Variants in MYH15 observed in about 807,000 individuals in gnomAD.
MYH15 encodes myosin heavy chain 15, also known as myosin-15.
Under a neutral mutation model 240.5 loss-of-function variants are expected in MYH15, and 227 were observed. That is an observed-to-expected ratio of 0.94 (90% CI 0.85 to 1.05). The LOEUF (loss-of-function observed/expected upper bound fraction) is 1.05, where lower values mean the gene tolerates loss of function less well. Among genes scored for constraint, MYH15 ranks in the 50% least tolerant of loss-of-function variants. The pLI is 0.00. For missense variants in MYH15, 2,217 were observed against 2,247.5 expected (o/e 0.99, Z 0.27); for synonymous variants, 785 against 796.7 (o/e 0.99, Z 0.25).
chr3:108,399,048 C>G (rs2107540959), intron 34 of MYH15, 27 bp downstream of exon 34: 2 of 1,602,854 alleles, frequency 1.2e-6, no homozygotes, highest in East Asian at 4.5e-5. Flanking sequence ...CCACCCCTCC[C>G]TACCCCATCT....
chr3:108,478,391 C>T (rs2083238271), intron 11 of MYH15, among the ~76,000 whole-genome samples: 1 of 152,156 alleles, frequency 6.6e-6, no homozygotes, highest in African/African-American at 2.4e-5. Flanking sequence ...AACACAAAGC[C>T]TATTTGGAAA....
chr3:108,455,926 G>A lies in MYH15; in HGVS notation c.2139-67C>T, dbSNP rs191407937. The A allele has an allele frequency of 5.9e-5, 86 of 1,463,968 alleles. No homozygotes were observed. The Admixed American group carries it at 1.1e-3, about 19-fold the overall frequency. The allele number at this position is 1,463,968 out of a possible 1,614,324, so 90.7% of individuals were successfully genotyped here. On this transcript the variant is annotated intron_variant, in intron 19 of 40. Coordinates refer to ENST00000693548, the MANE Select transcript of MYH15 (RefSeq NM_014981.3). ...TATTATTCAAATAAAGACTAATCTA[G>A]ACAAATGAGGTGAAAGGAGACATAG...
Position 108,398,764 on chromosome 3 carries a change from C to T in MYH15, c.5006G>A (p.Arg1669His), listed in dbSNP as rs765108967. 4.2e-5 allele frequency: 67 copies of T among 1,614,070 alleles called. No homozygotes were observed. The highest frequency in any genetic ancestry group is 3.5e-4 in the South Asian group (32 of 91,078). The part of the protein sequence containing the change: ...LKEQVAVAER[R>H]NSLLQSELED... ...TAGTTCAGACTGAAGAAGAGAGTTG[C>T]GCCGCTCAGCCACAGCCACCTGCTC... The change falls in exon 35 of 41, where the codon CGC becomes CAC. Residue 1669 changes from arginine to histidine, a missense_variant. Physicochemically the swap from Arg to His is conservative, Grantham distance 29 (BLOSUM62 0). Coordinates refer to ENST00000693548, the MANE Select transcript of MYH15 (RefSeq NM_014981.3).
At chr3:108,409,307 G>T (rs377159211) in intron 31 of MYH15, among the ~76,000 whole-genome samples, 1 of 152,180 alleles carries the variant, frequency 6.6e-6, no homozygotes, top group Non-Finnish European at 1.5e-5. Flanking sequence ...AACTCTGACC[G>T]CACCTTAGAA....
chr3:108,538,159 T>C, the MYH15 span, among the ~76,000 whole-genome samples: 1 of 152,190 alleles, frequency 6.6e-6, no homozygotes, highest in African/African-American at 2.4e-5. Context: ...CCGTTGTGTA[T>C]TGTGTGGGAT....
chr3:108,470,238 G>GAAAATAGGT, intron 13 of MYH15, 26 bp from the exon 14 acceptor site: 2 of 1,504,558 alleles, frequency 1.3e-6, no homozygotes, highest in Non-Finnish European at 1.8e-6. Flanking sequence ...TAGGTAAGAA[G>GAAAATAGGT]AAGAGATAAA....
rs369281600 is a variant in MYH15 at position 108,430,846 on chromosome 3, C to A, written c.3298G>T (p.Val1100Phe). The stretch of plus-strand genomic sequence containing the variant: ...TAATTGATTACCTGAAGCTCTTTAA[C>A]CGTCTTCTGAAGCTGAGCTACCAGG... Reference protein sequence around the residue: ...KGLVAQLQKTVKELQTQIKDL... With the variant: ...KGLVAQLQKTFKELQTQIKDL... The change falls in exon 26 of 41, where the codon GTT becomes TTT. Residue 1100 changes from valine to phenylalanine, a missense_variant. Val to Phe is a conservative substitution (Grantham distance 50). Transcript: ENST00000693548. 3.5e-5 allele frequency: 57 copies of A among 1,611,406 alleles called. No homozygotes were observed. Among genetic ancestry groups the A allele is most frequent in the African/African-American group, 1.1e-4 (8 of 74,920 alleles).
intron 17 of MYH15, 107 bp downstream of exon 17, chr3:108,460,193 A>G: frequency 1.0e-6 from 1 of 989,300 alleles, no homozygotes; most frequent in Non-Finnish European, 1.4e-6. Context: ...CCAACTTGCT[A>G]GCTCCTGATA....
intron 1 of MYH15, among the ~76,000 whole-genome samples, chr3:108,524,764 C>G (rs981948981): frequency 6.6e-6 from 1 of 152,036 alleles, no homozygotes; most frequent in Non-Finnish European, 1.5e-5. Flanking sequence ...AAGTTTATTT[C>G]TCTCATGAAG....
At chr3:108,417,794 TATACACACACAC>T (rs2082646267) in intron 28 of MYH15, among the ~76,000 whole-genome samples, 1 of 93,194 alleles carries the variant, frequency 1.1e-5, no homozygotes. Context: ...TGTATATATA[TATACACACACAC>T]ACACACACAC....
At chr3:108,438,718 G>A (rs2082861215) in intron 24 of MYH15, among the ~76,000 whole-genome samples, 1 of 152,200 alleles carries the variant, frequency 6.6e-6, no homozygotes, top group Non-Finnish European at 1.5e-5. Context: ...GTTCTCACTA[G>A]ACACCAACTC....
At chr3:108,544,540 A>G in the MYH15 span, among the ~76,000 whole-genome samples, 2 of 152,198 alleles carry the variant, frequency 1.3e-5, no homozygotes, top group African/African-American at 2.4e-5. Context: ...CAGGGATAGC[A>G]GCAATTCAAG....
rs373858705 is a variant in MYH15 at position 108,441,077 on chromosome 3, C to T, written c.2839G>A (p.Asp947Asn). 6.2e-7 allele frequency: 1 copy of T among 1,614,164 alleles called. No individual in the cohort carries two copies. The highest frequency in any genetic ancestry group is 2.2e-5 in the East Asian group (1 of 44,890). The change falls in exon 23 of 41, where the codon GAT becomes AAT. Residue 947 changes from aspartate (D) to asparagine (N), a missense_variant. Asp to Asn is a conservative substitution (Grantham distance 23, BLOSUM62 1). Transcript: ENST00000693548. ...TTCACCAACATTGTTTCCAGGTCAT[C>T]GATTTCTTTCTTCAACTCAAAACAT... ...DECFELKKEIDDLETMLVKSE... is the reference protein window; with the variant it reads ...DECFELKKEINDLETMLVKSE...
chr3:108,545,445 A>G, the MYH15 span, among the ~76,000 whole-genome samples: 1 of 152,096 alleles, frequency 6.6e-6, no homozygotes, highest in African/African-American at 2.4e-5. Context: ...AATCTACTAA[A>G]AGCCATGAGC....
Position 108,470,147 on chromosome 3 carries a change from C to G in MYH15, c.1449G>C (p.Trp483Cys), listed in dbSNP as rs754756905. ...CCTCTTGCTCCAGAACAAACATGTG[C>G]CAATTGAAGAATTGTTGTAATTTTT... ...TNEKLQQFFN[W>C]HMFVLEQEEY... Residue 483 changes from tryptophan to cysteine, a missense_variant, in exon 14 of 41, where the codon TGG becomes TGC. By Grantham distance (215) the Trp-to-Cys change is radical (BLOSUM62 -2). Transcript: ENST00000693548. The G allele has an allele frequency of 6.2e-7, 1 of 1,608,360 alleles. No individual in the cohort carries two copies. The highest frequency in any genetic ancestry group is 8.5e-7 in the Non-Finnish European group (1 of 1,177,658).
chr3:108,492,238 C>G (rs1370028212), intron 9 of MYH15, among the ~76,000 whole-genome samples: 1 of 106,572 alleles, frequency 9.4e-6, no homozygotes, highest in Admixed American at 8.9e-5. Context: ...TCACTCACCT[C>G]TGCTGGGCAT....
At chr3:108,381,745 C>T (rs1173012321) in intron 40 of MYH15, among the ~76,000 whole-genome samples, 186 bp from the exon 41 acceptor site, 1 of 152,156 alleles carries the variant, frequency 6.6e-6, no homozygotes, top group East Asian at 1.9e-4. Context: ...CCTGGTAATT[C>T]ACCCCAAGGG....
In MYH15 at chr3:108,454,000, T is replaced by C. The variant is rs1360598115; in HGVS notation, c.2399+6A>G. On this transcript the variant is annotated splice_donor_region_variant and intron_variant, in intron 21 of 40. Transcript: ENST00000693548. ...GCAGTTGGGGAGCAGGGTGGGCATA[T>C]AATACCTTTCTTCCAGAATCTTCTG... 6.2e-7 allele frequency: 1 copy of C among 1,610,220 alleles called. No individual in the cohort carries two copies. The highest frequency in any genetic ancestry group is 1.7e-5 in the Admixed American group (1 of 59,872).
intron 14 of MYH15, among the ~76,000 whole-genome samples, chr3:108,465,761 T>C (rs534730425): frequency 3.3e-5 from 5 of 152,056 alleles, no homozygotes; most frequent in Admixed American, 6.6e-5. Flanking sequence ...ATCCTGTCTC[T>C]AGTAAAAATA....
Sources: allele counts gnomAD v4.1 joint callset (sites outside exome capture counted in the v4.1 genomes callset), GRCh38; gene constraint gnomAD v4.1.1; transcripts MANE v1.5; gene names NCBI Gene and HGNC (gene_info 2026-07-23, HGNC 2026-07-21).